Variants in RNF157 observed in about 807,000 individuals in gnomAD.
The protein encoded by RNF157 is E3 ubiquitin ligase RNF157.
RNF157 carries 55 observed loss-of-function variants against 88.3 expected under a neutral mutation model. The observed-to-expected ratio is 0.62, with a 90% CI of 0.50 to 0.78. The LOEUF (loss-of-function observed/expected upper bound fraction) is 0.78, where lower values mean the gene tolerates loss of function less well. RNF157 is among the 30% of genes least tolerant of loss of function. RNF157 has a pLI of 0.00. For missense variants in RNF157, 788 were observed against 860.8 expected (o/e 0.92, Z 1.06); for synonymous variants, 334 against 341.2 (o/e 0.98, Z 0.23).
At position 76,184,189 on chromosome 17, in the gene RNF157, T is replaced by TAA. The variant is rs542969861; in HGVS notation, c.208-10401_208-10400dup. ...CTGGGCGACAGAGCAAGACTCCATC[T>TAA]AAAAAAAAAAAAAAAAAAGCAAAGT... On this transcript the variant is annotated intron_variant, in intron 2 of 18. Coordinates refer to ENST00000269391, the MANE Select transcript of RNF157 (RefSeq NM_052916.3). 9.7e-4 allele frequency among the ~76,000 whole-genome samples: 108 copies of TAA among 110,790 alleles called. 2 individuals are homozygous for TAA. Among genetic ancestry groups the TAA allele is most frequent in the Middle Eastern group, 4.9e-3 (1 of 204 alleles). The allele number at this position is 110,790 out of a possible 152,430, so 72.7% of individuals were successfully genotyped here. A position where few individuals can be genotyped will look rare whatever the true frequency, so the allele number is the denominator to read the frequency against.
chr17:76,200,294 C>T (rs900857088), intron 2 of RNF157, among the ~76,000 whole-genome samples: 3 of 152,048 alleles, frequency 2.0e-5, no homozygotes, highest in Non-Finnish European at 4.4e-5. Flanking sequence ...CATTTCTTCC[C>T]TAGCCCAATA....
rs1337375828 is a variant in RNF157, at chr17:76,225,736, C to T, written c.89-13254G>A. 3 of 1,516,524 alleles carry T rather than the reference C, an allele frequency of 2.0e-6. No homozygotes were observed. In the African/African-American group the frequency reaches 4.2e-5, roughly 21 times the overall value. The allele number at this position is 1,516,524 out of a possible 1,614,324, so 93.9% of individuals were successfully genotyped here. A position where few individuals can be genotyped will look rare whatever the true frequency, so the allele number is the denominator to read the frequency against. ...TCTATGTACAAGCACGTTGACACTCCTGACCTACCCTCAACTAGGGGACCC... is the reference window on the plus strand; with the variant it reads ...TCTATGTACAAGCACGTTGACACTCTTGACCTACCCTCAACTAGGGGACCC... On this transcript the variant is annotated intron_variant, in intron 1 of 18. Coordinates refer to ENST00000269391, the MANE Select transcript of RNF157 (RefSeq NM_052916.3).
At chr17:76,212,787 A>G (rs2069825054) in intron 1 of RNF157, among the ~76,000 whole-genome samples, 1 of 152,152 alleles carries the variant, frequency 6.6e-6, no homozygotes, top group African/African-American at 2.4e-5. Flanking sequence ...GCTTGAACCC[A>G]GGAAACAGAA....
chr17:76,175,856 C>T (rs1159376897), intron 2 of RNF157: 1 of 847,584 alleles, frequency 1.2e-6, no homozygotes, highest in Non-Finnish European at 1.4e-6. Flanking sequence ...AAAAAAAAAT[C>T]CTGGCACTCT....
intron 16 of RNF157, among the ~76,000 whole-genome samples, chr17:76,154,943 T>C (rs890597769): frequency 1.3e-5 from 2 of 152,166 alleles, no homozygotes; most frequent in African/African-American, 4.8e-5. Context: ...CAGTCCTCCA[T>C]GTAAATACTA....
chr17:76,216,100 A>G (rs1035307101), intron 1 of RNF157, among the ~76,000 whole-genome samples: 1 of 152,238 alleles, frequency 6.6e-6, no homozygotes, highest in African/African-American at 2.4e-5. Context: ...AAAATTGGAA[A>G]AGTTAAAGAT....
Position 76,146,551 on chromosome 17 carries a change from C to A in RNF157, c.1922-1198G>T. The A allele has an allele frequency of 1.0e-6, 1 of 985,452 alleles. No homozygotes were observed. The highest frequency in any genetic ancestry group is 1.2e-6 in the Non-Finnish European group (1 of 829,932). 61.0% of individuals were successfully genotyped at this position (985,452 alleles called of 1,614,324 possible). ...GGGGTAGGGAAGGCATGTCGTCCTC[C>A]GGACCCTGTGGGCCTCCCCAGCCGT... On this transcript the variant is annotated intron_variant, in intron 18 of 18. Coordinates refer to ENST00000269391, the MANE Select transcript of RNF157 (RefSeq NM_052916.3). This position sits in a 1 kb window ranked among gnomAD's most constrained non-coding sequence, Gnocchi z 4.2.
intron 2 of RNF157, among the ~76,000 whole-genome samples, chr17:76,201,645 A>G (rs923333357): frequency 2.0e-5 from 3 of 152,216 alleles, no homozygotes; most frequent in Non-Finnish European, 4.4e-5. Flanking sequence ...CTATAAATAT[A>G]TGTACATAAT....
chr17:76,229,699 ACTAT>A (rs1308999047), intron 1 of RNF157, among the ~76,000 whole-genome samples: 1 of 152,202 alleles, frequency 6.6e-6, no homozygotes, highest in Non-Finnish European at 1.5e-5. Context: ...TAGGGAAGGC[ACTAT>A]CTTTTTGGAG....
intron 1 of RNF157, among the ~76,000 whole-genome samples, chr17:76,230,044 T>A (rs1036517095): frequency 6.6e-6 from 1 of 152,146 alleles, no homozygotes; most frequent in Admixed American, 6.5e-5. Flanking sequence ...AAAATCCATA[T>A]TCTGAATATA....
chr17:76,174,011 T>A (rs1370230264), intron 2 of RNF157, among the ~76,000 whole-genome samples: 4 of 152,062 alleles, frequency 2.6e-5, no homozygotes, highest in Non-Finnish European at 4.4e-5. Context: ...AGAGCCAGAT[T>A]TATCTTCTTT....
rs147568850 is a variant in RNF157 at position 76,200,135 on chromosome 17, C to T, written c.207+12229G>A. On this transcript the variant is annotated intron_variant, in intron 2 of 18. Coordinates refer to ENST00000269391, the MANE Select transcript of RNF157 (RefSeq NM_052916.3). ...CGGGCGCCTGTAGTCCCAGCCACTC[C>T]GGAGGCTGAGGCAGGAGAATGCTGT... Among the ~76,000 whole-genome samples, 982 of 151,616 alleles carry T rather than the reference C, an allele frequency of 6.5e-3. 6 individuals carry two copies. The highest frequency in any genetic ancestry group is 0.021 in the South Asian group (100 of 4,800).
At chr17:76,233,995 G>A (rs932481592) in intron 1 of RNF157, among the ~76,000 whole-genome samples, 1 of 152,148 alleles carries the variant, frequency 6.6e-6, no homozygotes, top group Non-Finnish European at 1.5e-5. Context: ...AAATCCATTA[G>A]CAGTCACAGC....
intron 1 of RNF157, chr17:76,226,608 ACCCATC>A (rs749858018): frequency 2.5e-6 from 4 of 1,613,216 alleles, no homozygotes; most frequent in Non-Finnish European, 3.4e-6. Context: ...GGACTGACCA[ACCCATC>A]CACAGTCAGC....
intron 2 of RNF157, among the ~76,000 whole-genome samples, chr17:76,197,131 C>A (rs1378388397): frequency 6.6e-6 from 1 of 152,164 alleles, no homozygotes; most frequent in African/African-American, 2.4e-5. Flanking sequence ...GCAATGAGGA[C>A]CCATCACTGA....
chr17:76,234,681 T>C (rs533620847), intron 1 of RNF157, among the ~76,000 whole-genome samples: 56 of 152,372 alleles, frequency 3.7e-4, no homozygotes, highest in Non-Finnish European at 6.9e-4. Flanking sequence ...GAAATGTCTA[T>C]TCAAGTGCTG....
intron 2 of RNF157, among the ~76,000 whole-genome samples, chr17:76,188,991 A>C (rs2069338517): frequency 6.6e-6 from 1 of 152,238 alleles, no homozygotes; most frequent in African/African-American, 2.4e-5. Flanking sequence ...ACCCAAATCA[A>C]GGGAAGTTCT....
At chr17:76,234,797 A>G (rs1450066282) in intron 1 of RNF157, among the ~76,000 whole-genome samples, 1 of 152,204 alleles carries the variant, frequency 6.6e-6, no homozygotes, top group East Asian at 1.9e-4. Context: ...AATTTCTCCC[A>G]TTCTCTGAGT....
intron 2 of RNF157, among the ~76,000 whole-genome samples, chr17:76,194,267 T>G (rs1209526585): frequency 6.6e-6 from 1 of 152,176 alleles, no homozygotes; most frequent in Non-Finnish European, 1.5e-5. Flanking sequence ...TTGATCTATT[T>G]CTTATCTCTA....
Sources: gnomAD v4.1 joint callset for allele counts (sites outside exome capture counted in the v4.1 genomes callset) on GRCh38, gnomAD v4.1.1 for gene constraint, Gnocchi (gnomAD v3.1) non-coding constraint, MANE v1.5 for transcripts, NCBI Gene and HGNC (gene_info 2026-07-23, HGNC 2026-07-21) for gene names.